The following NFASC variants were observed in gnomAD, a reference collection of about 807,000 sequenced individuals.
The protein encoded by NFASC is neurofascin, also known as neurofascin homolog.
NFASC carries 43 observed loss-of-function variants against 147.5 expected under a neutral mutation model. The ratio of observed to expected loss-of-function variants is 0.29; its 90% confidence interval spans 0.23 to 0.38. NFASC has a LOEUF of 0.38. NFASC is among the 10% of genes least tolerant of loss of function. The pLI, the probability that NFASC is intolerant of heterozygous loss-of-function variation, is 1.00. For synonymous variants in NFASC, 622 were observed against 665.5 expected, an observed-to-expected ratio of 0.93 and a Z score of 1.01; for missense variants, 1,320 against 1,689.0, an observed-to-expected ratio of 0.78 and a Z score of 3.83.
At chr1:204,900,039 C>A (rs1043116133) in intron 1 of NFASC, among the ~76,000 whole-genome samples, 4 of 152,176 alleles carry the variant, frequency 2.6e-5, no homozygotes, top group African/African-American at 9.7e-5. Flanking sequence ...AATCTTAAAG[C>A]ATTTAATAAC....
intron 4 of NFASC, 38 bp from the exon 5 acceptor site, chr1:204,951,973 C>T: frequency 1.3e-6 from 2 of 1,563,216 alleles, no homozygotes; most frequent in South Asian, 1.1e-5. Context: ...CAGGGAGGTC[C>T]CTGCAGCCCT....
intron 1 of NFASC, among the ~76,000 whole-genome samples, chr1:204,833,883 A>T (rs572443821): frequency 2.6e-4 from 40 of 152,268 alleles, no homozygotes; most frequent in African/African-American, 9.1e-4. Context: ...CAAAATGGGG[A>T]TATTAATATG....
intron 24 of NFASC, among the ~76,000 whole-genome samples, chr1:204,991,716 G>A (rs981460452): frequency 2.0e-5 from 3 of 152,260 alleles, no homozygotes; most frequent in South Asian, 2.1e-4. Flanking sequence ...AGCAGGAGCA[G>A]GGACAGCTGG....
intron 1 of NFASC, among the ~76,000 whole-genome samples, chr1:204,833,821 C>G (rs1162755354): frequency 6.6e-6 from 1 of 152,184 alleles, no homozygotes; most frequent in African/African-American, 2.4e-5. Flanking sequence ...GACAGATCTG[C>G]ATTCAGACCC....
At chr1:205,005,364 G>A (rs531584222) in intron 27 of NFASC, among the ~76,000 whole-genome samples, 1 of 152,316 alleles carries the variant, frequency 6.6e-6, no homozygotes, top group African/African-American at 2.4e-5. Context: ...TGTCTGCTTT[G>A]CAGGTGTATT....
At chr1:204,952,763 C>G (rs1035926760) in intron 5 of NFASC, among the ~76,000 whole-genome samples, 2 of 152,194 alleles carry the variant, frequency 1.3e-5, no homozygotes, top group Non-Finnish European at 2.9e-5. Flanking sequence ...TGCCCCCATC[C>G]CCATCCTCAA....
chr1:204,998,397 A>C (rs1210884213), intron 25 of NFASC: 2 of 152,282 alleles, frequency 1.3e-5, no homozygotes, highest in African/African-American at 4.8e-5. Context: ...TCTCCTGGGC[A>C]AGTCCCTTTA....
intron 26 of NFASC, 99 bp from the exon 27 acceptor site, chr1:205,002,497 C>A (rs936924579): frequency 9.7e-7 from 1 of 1,035,258 alleles, no homozygotes; most frequent in African/African-American, 1.7e-5. Flanking sequence ...TGGTCCCTTC[C>A]CCCACACTTT....
At position 204,895,814 on chromosome 1, in the gene NFASC, C is replaced by T. The variant is rs147245800; in HGVS notation, c.-199-24818C>T. ...CATTTTTTAAATACTTAAGACCCTACATTTGAATTTGAGCATCTATGTTCC... is the reference window on the plus strand; with the variant it reads ...CATTTTTTAAATACTTAAGACCCTATATTTGAATTTGAGCATCTATGTTCC... On this transcript the variant is annotated intron_variant, in intron 1 of 29. Coordinates refer to ENST00000339876, the MANE Select transcript of NFASC (RefSeq NM_001005388.3). Among the ~76,000 whole-genome samples the T allele has an allele frequency of 7.8e-4, 119 of 152,294 alleles. 1 individual carries two copies. Among genetic ancestry groups the T allele is most frequent in the South Asian group, 5.0e-3 (24 of 4,818 alleles).
intron 5 of NFASC, among the ~76,000 whole-genome samples, chr1:204,952,674 G>T (rs976698461): frequency 1.8e-4 from 28 of 152,220 alleles, no homozygotes; most frequent in African/African-American, 5.8e-4. Flanking sequence ...TACCCAGCTT[G>T]AAAGGGGCAG....
In NFASC at chr1:204,977,698, A is replaced by G. The variant is rs2095435360; in HGVS notation, c.1849A>G (p.Thr617Ala). The stretch of plus-strand genomic sequence containing the variant: ...CTTTGCAGCTGATCAGGCCACTCCA[A>G]CTAACCGTTTGGCTGCCCTGCCCAA... ...LTVLADQATP[T>A]NRLAALPKGR... The change falls in exon 17 of 30, where the codon ACT (threonine) becomes GCT (alanine). Residue 617 changes from threonine to alanine, a missense_variant. Physicochemically the swap from Thr to Ala is moderately conservative, Grantham distance 58. Transcript: ENST00000339876. The G allele has an allele frequency of 6.2e-7, 1 of 1,610,844 alleles. No homozygotes were observed. Among genetic ancestry groups the G allele is most frequent in the African/African-American group, 1.3e-5 (1 of 74,916 alleles).
chr1:204,871,801 T>C (rs970166358), intron 1 of NFASC, among the ~76,000 whole-genome samples: 4 of 152,334 alleles, frequency 2.6e-5, no homozygotes, highest in Non-Finnish European at 5.9e-5. Flanking sequence ...CAGGCTTATG[T>C]CACCTGGTCT....
intron 1 of NFASC, among the ~76,000 whole-genome samples, chr1:204,871,525 A>G (rs1385222780): frequency 6.6e-6 from 1 of 152,140 alleles, no homozygotes; most frequent in African/African-American, 2.4e-5. Context: ...TCTCTGTCCT[A>G]CGTTAGTCTT....
rs1354978620 is a variant in NFASC, at chr1:205,016,464, G to A, written c.3648G>A (p.Lys1216=). The A allele has an allele frequency of 6.2e-7, 1 of 1,614,146 alleles. No individual in the cohort carries two copies. The highest frequency in any genetic ancestry group is 1.3e-5 in the African/African-American group (1 of 75,024). The change falls in exon 30 of 30, where the codon AAG becomes AAA. Residue 1216 remains lysine (K), a synonymous_variant. Transcript: ENST00000339876. The surrounding 1 kb of genome is among the most constrained non-coding windows in gnomAD (Gnocchi z 5.1). ...GSFIGQYTVK[K]DKEETEGNES... Reference sequence around the variant, plus strand: ...TCATCGGCCAGTACACGGTCAAAAAGGACAAGGAGGAAACAGAGGGCAACG... The same window carrying A: ...TCATCGGCCAGTACACGGTCAAAAAAGACAAGGAGGAAACAGAGGGCAACG...
At position 205,019,475 on chromosome 1, in the gene NFASC, C is replaced by CCATTCATTCATT. The variant is rs10528066; in HGVS notation, c.*2951_*2962dup. On this transcript the variant is annotated 3_prime_UTR_variant, in exon 30 of 30. Transcript: ENST00000339876. ...TGTGGTTTCCTGTGCTCTCATTTGT[C>CCATTCATTCATT]CATTCATTCATTCATTCATTCATTC... is the stretch of plus-strand genomic sequence containing the variant. The CCATTCATTCATT allele has an allele frequency of 0.26, 38,991 of 151,248 alleles. 5,110 individuals carry two copies. The highest frequency in any genetic ancestry group is 0.33 in the South Asian group (1,559 of 4,768). 9.4% of individuals were successfully genotyped at this position (151,248 alleles called of 1,614,324 possible). A position where few individuals can be genotyped will look rare whatever the true frequency, so the allele number is the denominator to read the frequency against.
At chr1:204,913,510 T>C (rs2149353909) in intron 1 of NFASC, among the ~76,000 whole-genome samples, 1 of 152,138 alleles carries the variant, frequency 6.6e-6, no homozygotes, top group East Asian at 1.9e-4. Flanking sequence ...CCTAAACACA[T>C]AGGAGAATTT....
chr1:204,867,340 A>G (rs1215417011), intron 1 of NFASC, among the ~76,000 whole-genome samples: 3 of 152,176 alleles, frequency 2.0e-5, no homozygotes, highest in African/African-American at 7.2e-5. Context: ...TACAGGAACT[A>G]GGACAAACAA....
At chr1:204,850,641 G>A (rs1192668421) in intron 1 of NFASC, among the ~76,000 whole-genome samples, 2 of 152,186 alleles carry the variant, frequency 1.3e-5, no homozygotes, top group African/African-American at 4.8e-5. Flanking sequence ...TCTCCTTTGT[G>A]CGCTCTGTCT....
intron 2 of NFASC, among the ~76,000 whole-genome samples, chr1:204,924,733 A>C (rs2091175211): frequency 1.3e-5 from 2 of 152,220 alleles, no homozygotes; most frequent in Admixed American, 1.3e-4. Context: ...GAGCTAGGGT[A>C]TGGTGTCTGC....
Sources: gnomAD v4.1 joint callset for allele counts (sites outside exome capture counted in the v4.1 genomes callset) on GRCh38, gnomAD v4.1.1 for gene constraint, Gnocchi (gnomAD v3.1) non-coding constraint, MANE v1.5 for transcripts, NCBI Gene and HGNC (gene_info 2026-07-23, HGNC 2026-07-21) for gene names.